Variants in PCCA observed in about 807,000 individuals in gnomAD.
PCCA encodes propionyl-CoA carboxylase alpha chain, mitochondrial.
A neutral mutation model predicts 101.3 loss-of-function variants in PCCA; 74 were observed. The observed-to-expected ratio is 0.73, with a 90% CI of 0.61 to 0.89. PCCA has a LOEUF of 0.89. PCCA is among the 40% of genes least tolerant of loss of function. The pLI is 0.00. For missense variants in PCCA, 891 were observed against 907.0 expected, an observed-to-expected ratio of 0.98 and a Z score of 0.23; for synonymous variants, 294 against 313.6, an observed-to-expected ratio of 0.94 and a Z score of 0.66.
At chr13:100,289,472 A>G (rs182958505) in intron 12 of PCCA, among the ~76,000 whole-genome samples, 1 of 152,042 alleles carries the variant, frequency 6.6e-6, no homozygotes, top group Admixed American at 6.5e-5. Flanking sequence ...CTAAGAACCT[A>G]ATCCAACATT....
intron 6 of PCCA, among the ~76,000 whole-genome samples, chr13:100,171,334 A>C (rs1183300763): frequency 6.6e-6 from 1 of 152,190 alleles, no homozygotes; most frequent in East Asian, 1.9e-4. Flanking sequence ...TAAAACTGTA[A>C]AGCCCAGAAA....
intron 19 of PCCA, among the ~76,000 whole-genome samples, chr13:100,390,960 A>C (rs907805826): frequency 4.6e-5 from 7 of 152,122 alleles, no homozygotes; most frequent in African/African-American, 1.7e-4. Context: ...GTGCCAGAAG[A>C]AGGGAATTTT....
At chr13:100,520,622 G>C (rs370266244) in intron 22 of PCCA, among the ~76,000 whole-genome samples, 4 of 114,734 alleles carry the variant, frequency 3.5e-5, no homozygotes, top group East Asian at 2.7e-4. Context: ...GCGACAGAGC[G>C]AGACTCCGTC....
At chr13:100,239,270 C>T (rs889448858) in intron 8 of PCCA, among the ~76,000 whole-genome samples, 34 of 152,144 alleles carry the variant, frequency 2.2e-4, no homozygotes, top group African/African-American at 6.3e-4. Context: ...ACAGAACTAT[C>T]GAGTGGTGGA....
intron 4 of PCCA, among the ~76,000 whole-genome samples, chr13:100,147,603 C>G (rs1465559112): frequency 6.6e-6 from 1 of 152,168 alleles, no homozygotes; most frequent in African/African-American, 2.4e-5. Context: ...AAATATATGC[C>G]TGTGTATTTA....
At chr13:100,359,106 A>AAG (rs2074278152) in intron 18 of PCCA, among the ~76,000 whole-genome samples, 1 of 151,632 alleles carries the variant, frequency 6.6e-6, no homozygotes, top group South Asian at 2.1e-4. Flanking sequence ...CAAAAAAAAA[A>AAG]AAAAAGAAAA....
chr13:100,090,851 C>A (rs187609885), intron 1 of PCCA, among the ~76,000 whole-genome samples: 18 of 152,240 alleles, frequency 1.2e-4, no homozygotes, highest in African/African-American at 4.1e-4. Context: ...AGCTATAGTG[C>A]CAATAAGTGG....
At chr13:100,094,777 G>A (rs1372984486) in intron 1 of PCCA, among the ~76,000 whole-genome samples, 3 of 152,086 alleles carry the variant, frequency 2.0e-5, no homozygotes, top group Non-Finnish European at 2.9e-5. Flanking sequence ...TAGTAGAGAC[G>A]GGGTTTCACC....
chr13:100,341,451 A>C (rs2071300661), intron 18 of PCCA, among the ~76,000 whole-genome samples: 1 of 152,130 alleles, frequency 6.6e-6, no homozygotes, highest in African/African-American at 2.4e-5. Flanking sequence ...GGCACTAGCC[A>C]TGTATGGCAA....
intron 12 of PCCA, among the ~76,000 whole-genome samples, chr13:100,287,483 G>T (rs900237805): frequency 6.6e-5 from 10 of 151,596 alleles, no homozygotes; most frequent in African/African-American, 2.4e-4. Flanking sequence ...TTCTTAATAA[G>T]AAAAATGGTT....
At chr13:100,326,622 C>T (rs1362984759) in intron 16 of PCCA, among the ~76,000 whole-genome samples, 4 of 152,074 alleles carry the variant, frequency 2.6e-5, no homozygotes, top group African/African-American at 4.8e-5. Flanking sequence ...TCCCCTTCCA[C>T]CTCCTCCACC....
intron 19 of PCCA, among the ~76,000 whole-genome samples, chr13:100,371,818 G>T (rs1183026907): frequency 1.3e-5 from 2 of 152,142 alleles, no homozygotes; most frequent in African/African-American, 4.8e-5. Flanking sequence ...TTTCAAAACA[G>T]TGTGGTACTG....
chr13:100,356,473 T>C (rs1473542826), intron 18 of PCCA, among the ~76,000 whole-genome samples: 2 of 152,134 alleles, frequency 1.3e-5, no homozygotes, highest in East Asian at 1.9e-4. Context: ...AAAAAAGATA[T>C]AGAAATGGCC....
intron 19 of PCCA, among the ~76,000 whole-genome samples, chr13:100,393,837 A>G (rs538948342): frequency 6.6e-6 from 1 of 152,376 alleles, no homozygotes; most frequent in East Asian, 1.9e-4. Context: ...TAGCAAGTAT[A>G]TGAAACACAT....
chr13:100,320,536 G>C (rs890471560), intron 16 of PCCA, among the ~76,000 whole-genome samples: 1 of 152,166 alleles, frequency 6.6e-6, no homozygotes, highest in African/African-American at 2.4e-5. Context: ...TAGCCTGAAG[G>C]GCTGTTGAAT....
At chr13:100,200,554 A>G (rs11839052) in intron 6 of PCCA, among the ~76,000 whole-genome samples, 3,500 of 151,806 alleles carry the variant, frequency 0.023, 141 homozygotes, top group African/African-American at 0.08. Context: ...AAAAATATAC[A>G]TATATATTAA....
At chr13:100,120,252 A>G (rs1353958979) in intron 4 of PCCA, among the ~76,000 whole-genome samples, 1 of 150,868 alleles carries the variant, frequency 6.6e-6, no homozygotes, top group Non-Finnish European at 1.5e-5. Context: ...GATCATAGCA[A>G]ACTACAGCCA....
intron 21 of PCCA, among the ~76,000 whole-genome samples, chr13:100,454,220 A>C (rs1037253272): frequency 2.0e-5 from 3 of 152,148 alleles, no homozygotes; most frequent in African/African-American, 4.8e-5. Flanking sequence ...TCTGCCCCTA[A>C]TAAATCATAG....
chr13:100,328,688 A>ATT (rs2069049456), intron 16 of PCCA, among the ~76,000 whole-genome samples: 1 of 101,384 alleles, frequency 9.9e-6, no homozygotes, highest in South Asian at 4.8e-4. Context: ...CGTTGAGGTT[A>ATT]ATTTTTTTTT....
Sources: gnomAD v4.1 joint callset for allele counts (sites outside exome capture counted in the v4.1 genomes callset) on GRCh38, gnomAD v4.1.1 for gene constraint, MANE v1.5 for transcripts, NCBI Gene and HGNC (gene_info 2026-07-23, HGNC 2026-07-21) for gene names.